Variants in NTNG2 observed in about 807,000 individuals in gnomAD.
NTNG2 encodes netrin-G2.
In NTNG2, 15 loss-of-function variants were observed where a neutral mutation model predicts 47.6. The observed-to-expected ratio is 0.32, with a 90% CI of 0.21 to 0.49. The LOEUF (loss-of-function observed/expected upper bound fraction) is 0.49, where lower values mean the gene tolerates loss of function less well. NTNG2 is among the 20% of genes least tolerant of loss of function. The pLI, the probability that NTNG2 is intolerant of heterozygous loss-of-function variation, is 0.99. For synonymous variants in NTNG2, 307 were observed against 324.6 expected, an observed-to-expected ratio of 0.95 and a Z score of 0.58; for missense variants, 578 against 764.6, an observed-to-expected ratio of 0.76 and a Z score of 2.88.
At chr9:132,175,693 G>A (rs907703347) in intron 2 of NTNG2, among the ~76,000 whole-genome samples, 9 of 152,224 alleles carry the variant, frequency 5.9e-5, no homozygotes, top group Admixed American at 2.6e-4. Flanking sequence ...AACTGCTGGC[G>A]GGGGAGGGAG....
intron 2 of NTNG2, among the ~76,000 whole-genome samples, chr9:132,185,407 C>T (rs200598842): frequency 2.0e-5 from 3 of 152,186 alleles, no homozygotes; most frequent in African/African-American, 7.2e-5. Context: ...GTCCCTCACC[C>T]CACCCCGGCA....
At chr9:132,233,316 C>T (rs921015244) in intron 5 of NTNG2, 1 of 148,312 alleles carries the variant, frequency 6.7e-6, no homozygotes, top group African/African-American at 2.5e-5. Flanking sequence ...CACACACAGG[C>T]ATGCACACGC....
intron 3 of NTNG2, among the ~76,000 whole-genome samples, chr9:132,212,079 ACCCACCCTTGTCGCCT>A (rs1353811338): frequency 1.3e-5 from 2 of 152,092 alleles, no homozygotes; most frequent in African/African-American, 4.8e-5. Context: ...GCTTGCTAGC[ACCCACCCTTGTCGCCT>A]CCCACCCTTC....
chr9:132,165,584 C>T (rs746193213), intron 1 of NTNG2, among the ~76,000 whole-genome samples: 1 of 152,220 alleles, frequency 6.6e-6, no homozygotes, highest in Non-Finnish European at 1.5e-5. Flanking sequence ...GGTTGGCCAG[C>T]ACGTGGAGCA....
chr9:132,191,707 G>A (rs1238219102), intron 2 of NTNG2, among the ~76,000 whole-genome samples: 1 of 151,928 alleles, frequency 6.6e-6, no homozygotes, highest in Non-Finnish European at 1.5e-5. Flanking sequence ...GAGTAGCTGG[G>A]ACTACAGGCG....
intron 2 of NTNG2, among the ~76,000 whole-genome samples, chr9:132,173,856 T>C (rs879904963): frequency 3.1e-4 from 29 of 93,394 alleles, no homozygotes; most frequent in African/African-American, 4.7e-4. Flanking sequence ...GATGGATGGA[T>C]GGACAGACGG....
Position 132,183,406 on chromosome 9 carries a change from T to C in NTNG2, c.214-14560T>C, listed in dbSNP as rs575229870. On this transcript the variant is annotated intron_variant, in intron 2 of 7. Coordinates refer to ENST00000393229, the MANE Select transcript of NTNG2 (RefSeq NM_032536.4). The stretch of plus-strand genomic sequence containing the variant: ...TGCATGCGTTAACCCATTGCCCCCC[T>C]GCAGTGTTTTGTGTGTCCAGCCTGG... Among the ~76,000 whole-genome samples, 5 of 152,290 alleles carry C rather than the reference T, an allele frequency of 3.3e-5. No homozygotes were observed. The South Asian group carries it at 1.0e-3, about 32-fold the overall frequency.
intron 6 of NTNG2, 73 bp from the exon 7 acceptor site, chr9:132,240,837 G>T: frequency 6.2e-7 from 1 of 1,605,082 alleles, no homozygotes. Context: ...CTGCGAGGCC[G>T]GGAGAGTGGG....
chr9:132,240,720 C>T (rs1841920395), intron 6 of NTNG2, 190 bp from the exon 7 acceptor site: 1 of 733,706 alleles, frequency 1.4e-6, no homozygotes. Flanking sequence ...AAGCCAGAGT[C>T]TTCTCTCCAG....
intron 2 of NTNG2, among the ~76,000 whole-genome samples, chr9:132,189,111 C>G (rs1478918321): frequency 6.8e-5 from 6 of 88,506 alleles, no homozygotes; most frequent in Non-Finnish European, 1.3e-4. Flanking sequence ...GGGTCTCACT[C>G]TGTCACTCAG....
Position 132,198,483 on chromosome 9 carries a change from A to G in NTNG2, c.731A>G (p.Lys244Arg), listed in dbSNP as rs1033237825. 2.5e-6 allele frequency: 4 copies of G among 1,610,262 alleles called. No individual in the cohort carries two copies. The highest frequency in any genetic ancestry group is 2.7e-5 in the African/African-American group (2 of 74,902). Residue 244 changes from lysine (K) to arginine (R), a missense_variant, in exon 3 of 8, where the codon AAG becomes AGG. Physicochemically the swap from Lys to Arg is conservative, Grantham distance 26. Transcript: ENST00000393229. Reference sequence around the variant, plus strand: ...CGGCTGGAGAGCGCCAAGGGCCTCAAGGAGTTCTTCACCCTCACCGACCTG... The same window carrying G: ...CGGCTGGAGAGCGCCAAGGGCCTCAGGGAGTTCTTCACCCTCACCGACCTG... Reference protein sequence around the residue: ...YTRLESAKGLKEFFTLTDLRM... With the variant: ...YTRLESAKGLREFFTLTDLRM...
intron 3 of NTNG2, among the ~76,000 whole-genome samples, chr9:132,202,095 G>A (rs891092738): frequency 5.3e-5 from 8 of 152,186 alleles, no homozygotes; most frequent in African/African-American, 1.7e-4. Context: ...GCTCTGACTT[G>A]AGCCCACCTG....
chr9:132,217,883 A>G (rs1840094502), intron 3 of NTNG2, among the ~76,000 whole-genome samples: 3 of 152,204 alleles, frequency 2.0e-5, no homozygotes, highest in Admixed American at 2.0e-4. Flanking sequence ...CCAGAAAGAC[A>G]AAAGGAAGGC....
chr9:132,174,063 T>G (rs1189919589), intron 2 of NTNG2, among the ~76,000 whole-genome samples: 2 of 115,598 alleles, frequency 1.7e-5, no homozygotes, highest in Non-Finnish European at 3.6e-5. Context: ...GCGGATGAGA[T>G]GGACAGACGG....
rs940080131 is a variant in NTNG2 at position 132,218,850 on chromosome 9, A to G, written c.858-7999A>G. On this transcript the variant is annotated intron_variant, in intron 3 of 7. Coordinates refer to ENST00000393229, the MANE Select transcript of NTNG2 (RefSeq NM_032536.4). This position sits in a 1 kb window ranked among gnomAD's most constrained non-coding sequence, Gnocchi z 5.4. Reference sequence around the variant, plus strand: ...AAACAAATCTCTGAAGATTTTTAGGAGAGATACTGCAAGAAAAGCCTGGAA... The same window carrying G: ...AAACAAATCTCTGAAGATTTTTAGGGGAGATACTGCAAGAAAAGCCTGGAA... Among the ~76,000 whole-genome samples the G allele has an allele frequency of 4.6e-5, 7 of 152,190 alleles. No individual in the cohort carries two copies. The highest frequency in any genetic ancestry group is 8.8e-5 in the Non-Finnish European group (6 of 68,024).
Position 132,166,822 on chromosome 9 carries a change from C to G in NTNG2, c.-10C>G. ...CTTCTCTGGGCCGCGCCTCTGCAGA[C>G]TGCGCAGCCATGCTGCATCTGCTGG... On this transcript the variant is annotated 5_prime_UTR_variant, in exon 2 of 8. Coordinates refer to ENST00000393229, the MANE Select transcript of NTNG2 (RefSeq NM_032536.4). 1 of 1,612,950 alleles carries G rather than the reference C, an allele frequency of 6.2e-7. No individual in the cohort carries two copies. Among genetic ancestry groups the G allele is most frequent in the Non-Finnish European group, 8.5e-7 (1 of 1,179,400 alleles).
chr9:132,218,016 G>A lies in NTNG2; in HGVS notation c.858-8833G>A, dbSNP rs74977400. Reference sequence around the variant, plus strand: ...CTCAGGGCCAGTGTCACTGGTGTGCGTGGCAGCCTGTGGCATACACAAGAT... The same window carrying A: ...CTCAGGGCCAGTGTCACTGGTGTGCATGGCAGCCTGTGGCATACACAAGAT... On this transcript the variant is annotated intron_variant, in intron 3 of 7. Transcript: ENST00000393229. The surrounding 1 kb of genome is among the most constrained non-coding windows in gnomAD (Gnocchi z 5.4). Among the ~76,000 whole-genome samples the A allele has an allele frequency of 1.6e-3, 250 of 152,322 alleles. No homozygotes were observed. The highest frequency in any genetic ancestry group is 5.7e-3 in the African/African-American group (237 of 41,564).
chr9:132,237,838 C>A (rs1841735962), intron 5 of NTNG2, among the ~76,000 whole-genome samples: 1 of 152,238 alleles, frequency 6.6e-6, no homozygotes, highest in Non-Finnish European at 1.5e-5. Flanking sequence ...GAAGCAGAAT[C>A]TGGGACACAC....
At chr9:132,217,111 C>T (rs1026072968) in intron 3 of NTNG2, among the ~76,000 whole-genome samples, 2 of 152,172 alleles carry the variant, frequency 1.3e-5, no homozygotes, top group Admixed American at 6.5e-5. Flanking sequence ...CAGCCCTGGC[C>T]CTTGACCCAT....
Sources: gnomAD v4.1 joint callset for allele counts (sites outside exome capture counted in the v4.1 genomes callset) on GRCh38, gnomAD v4.1.1 for gene constraint, Gnocchi (gnomAD v3.1) non-coding constraint, MANE v1.5 for transcripts, NCBI Gene and HGNC (gene_info 2026-07-23, HGNC 2026-07-21) for gene names.